Variants in ACSL6 observed in about 807,000 individuals in gnomAD.
The protein encoded by ACSL6 is long-chain-fatty-acid--CoA ligase 6.
Under a neutral mutation model 98.2 loss-of-function variants are expected in ACSL6, and 47 were observed. The observed-to-expected ratio is 0.48, with a 90% CI of 0.38 to 0.61. The LOEUF is 0.61. ACSL6 is among the 20% of genes least tolerant of loss of function. The pLI, the probability that ACSL6 is intolerant of heterozygous loss-of-function variation, is 0.00. For missense variants in ACSL6, 761 were observed against 913.4 expected (o/e 0.83, Z 2.15); for synonymous variants, 362 against 336.9 (o/e 1.07, Z -0.82).
intron 1 of ACSL6, among the ~76,000 whole-genome samples, chr5:131,995,546 C>T (rs1360754041): frequency 6.6e-6 from 1 of 152,166 alleles, no homozygotes; most frequent in Non-Finnish European, 1.5e-5. Flanking sequence ...CATGGCTGTG[C>T]TTCCAAGAAG....
intron 2 of ACSL6, among the ~76,000 whole-genome samples, chr5:131,992,526 C>T (rs1458192600): frequency 1.3e-5 from 2 of 152,148 alleles, no homozygotes; most frequent in Admixed American, 1.3e-4. Context: ...GGAAGGGAGG[C>T]ATTAGCTTCA....
Position 131,990,899 on chromosome 5 carries a change from A to T in ACSL6, c.339T>A (p.Asp113Glu), listed in dbSNP as rs779148801. 2 of 1,611,712 alleles carry T rather than the reference A, an allele frequency of 1.2e-6. No individual in the cohort carries two copies. The highest frequency in any genetic ancestry group is 3.3e-5 in the Admixed American group (2 of 59,916). ...GPQLLTHYYD[D>E]ARTMYQVFRR... ...GGAACACCTGGTACATGGTCCGGGC[A>T]TCATCATAGTAGTGGGTAAGTAGCT... Residue 113 changes from aspartate (D) to glutamate (E), a missense_variant, in exon 3 of 21, where the codon GAT becomes GAA. Asp to Glu is a conservative substitution (Grantham distance 45). Transcript: ENST00000651883.
intron 9 of ACSL6, among the ~76,000 whole-genome samples, chr5:131,980,569 T>C (rs1561792738): frequency 6.6e-6 from 1 of 152,218 alleles, no homozygotes; most frequent in Non-Finnish European, 1.5e-5. Flanking sequence ...AATGACTGTA[T>C]ATGCCTGGGC....
At chr5:131,965,161 A>C (rs145443506) in intron 17 of ACSL6, among the ~76,000 whole-genome samples, 1 of 152,292 alleles carries the variant, frequency 6.6e-6, no homozygotes, top group East Asian at 1.9e-4. Context: ...CCTTGGGCTC[A>C]ACATCATTCA....
chr5:132,011,941 G>C, upstream of ACSL6: 1 of 1,549,818 alleles, frequency 6.5e-7, no homozygotes. The surrounding 1 kb of genome is among the most constrained non-coding windows in gnomAD (Gnocchi z 5.4). Context: ...CCGGCTGGAA[G>C]GGGGAGCACG....
At chr5:131,977,595 C>G (rs554393466) in intron 9 of ACSL6, among the ~76,000 whole-genome samples, 1 of 152,126 alleles carries the variant, frequency 6.6e-6, no homozygotes, top group East Asian at 1.9e-4. Context: ...TCTATAAGAT[C>G]TAAAGATATA....
Position 131,953,283 on chromosome 5 carries a change from T to C in ACSL6, c.*951A>G, listed in dbSNP as rs769683450. The C allele has an allele frequency of 3.2e-5, 6 of 187,918 alleles. No individual in the cohort carries two copies. Among genetic ancestry groups the C allele is most frequent in the Admixed American group, 1.2e-4 (2 of 16,202 alleles). The allele number at this position is 187,918 out of a possible 1,614,324, so 11.6% of individuals were successfully genotyped here. ...ATGAGAAAATGTATTGAAAGGTCTT[T>C]GTAAGTTACTATATAAATATGACAT... On this transcript the variant is annotated 3_prime_UTR_variant, in exon 21 of 21. Transcript: ENST00000651883.
upstream of ACSL6, chr5:132,011,815 A>G (rs1580714625): frequency 1.3e-6 from 2 of 1,483,264 alleles, no homozygotes; most frequent in East Asian, 2.7e-5. The surrounding 1 kb of genome is among the most constrained non-coding windows in gnomAD (Gnocchi z 5.4). Context: ...CTTGCCCCGC[A>G]CTGACCGCGG....
At chr5:131,988,584 T>C (rs566561865) in intron 6 of ACSL6, 4 of 1,612,914 alleles carry the variant, frequency 2.5e-6, no homozygotes, top group Non-Finnish European at 3.4e-6. Context: ...CAGAGGCTCC[T>C]TCTTGGCAGC....
rs923539819 is a variant in ACSL6 at position 131,989,033 on chromosome 5, G to A, written c.553-129C>T. 18 of 776,896 alleles carry A rather than the reference G, an allele frequency of 2.3e-5. No individual in the cohort carries two copies. The African/African-American group carries it at 2.7e-4, about 12-fold the overall frequency. The allele number at this position is 776,896 out of a possible 1,614,324, so 48.1% of individuals were successfully genotyped here. A position where few individuals can be genotyped will look rare whatever the true frequency, so the allele number is the denominator to read the frequency against. On this transcript the variant is annotated intron_variant, in intron 5 of 20. Transcript: ENST00000651883. ...GTGGCAAGGAATCCATGAGGTTAAT[G>A]GGTTGTGTCTGCTCACCCACAGCCT...
intron 19 of ACSL6, chr5:131,959,829 T>A (rs1306944933): frequency 1.8e-6 from 1 of 569,042 alleles, no homozygotes; most frequent in African/African-American, 1.9e-5. Context: ...ATGAATGGGC[T>A]AAGGGACCAC....
chr5:131,976,859 T>A, intron 9 of ACSL6, 138 bp from the exon 10 acceptor site: 2 of 706,564 alleles, frequency 2.8e-6, no homozygotes, highest in Non-Finnish European at 5.1e-6. Context: ...ACCTTTAGAC[T>A]TACAGGCAGA....
intron 11 of ACSL6, chr5:131,974,682 C>T (rs1367178948): frequency 6.6e-7 from 1 of 1,517,040 alleles, no homozygotes; most frequent in Non-Finnish European, 9.0e-7. Context: ...TACTTCATGC[C>T]ACCAGTGACA....
chr5:131,985,415 C>A lies in ACSL6; in HGVS notation c.908G>T (p.Gly303Val). Residue 303 changes from glycine to valine, a missense_variant, in exon 9 of 21, where the codon GGC (glycine) becomes GTC (valine). Gly to Val is a moderately radical substitution (Grantham distance 109). Coordinates refer to ENST00000651883, the MANE Select transcript of ACSL6 (RefSeq NM_001009185.3). ...TGCGTGCCTCTGCTTACCTGTCGTG[C>A]CGCTTGTGAAACACACAATGGAGAG... Reference protein sequence around the residue: ...DDLSIVCFTSGTTGNPKGAML... With the variant: ...DDLSIVCFTSVTTGNPKGAML... The A allele has an allele frequency of 1.9e-6, 3 of 1,614,014 alleles. No homozygotes were observed. The highest frequency in any genetic ancestry group is 2.5e-6 in the Non-Finnish European group (3 of 1,179,998).
chr5:131,977,017 C>T (rs999086756), intron 9 of ACSL6, among the ~76,000 whole-genome samples: 3 of 152,226 alleles, frequency 2.0e-5, no homozygotes, highest in African/African-American at 7.2e-5. Flanking sequence ...GTGCCTTATC[C>T]TCTCCCGTCT....
intron 17 of ACSL6, among the ~76,000 whole-genome samples, chr5:131,964,502 G>T (rs1752905864): frequency 6.6e-6 from 1 of 152,210 alleles, no homozygotes; most frequent in African/African-American, 2.4e-5. Context: ...TGCTTTACAT[G>T]AATTCATTTA....
At chr5:131,963,421 G>A (rs1293420396) in intron 17 of ACSL6, among the ~76,000 whole-genome samples, 3 of 152,126 alleles carry the variant, frequency 2.0e-5, no homozygotes, top group Non-Finnish European at 4.4e-5. Flanking sequence ...CTCTTCATTG[G>A]TCACTCCCAA....
chr5:131,966,609 G>A (rs577709680), intron 16 of ACSL6, 77 bp from the exon 17 acceptor site: 75 of 1,298,556 alleles, frequency 5.8e-5, no homozygotes, highest in Non-Finnish European at 7.4e-5. Context: ...CCAGGCATAC[G>A]GAGATAAGGT....
intron 1 of ACSL6, among the ~76,000 whole-genome samples, chr5:131,997,841 C>A (rs1009203111): frequency 6.6e-6 from 1 of 152,204 alleles, no homozygotes; most frequent in Admixed American, 6.5e-5. Flanking sequence ...GGGTCTCGTT[C>A]TTTCAGGCTT....
Sources: allele counts gnomAD v4.1 joint callset (sites outside exome capture counted in the v4.1 genomes callset), GRCh38; gene constraint gnomAD v4.1.1; non-coding constraint Gnocchi (gnomAD v3.1); transcripts MANE v1.5; gene names NCBI Gene and HGNC (gene_info 2026-07-23, HGNC 2026-07-21).